The following CSMD1 variants were observed in gnomAD, a reference collection of about 807,000 sequenced individuals.
CSMD1 encodes the protein CUB and sushi domain-containing protein 1.
In CSMD1, 213 loss-of-function variants were observed where a neutral mutation model predicts 417.5. That is an observed-to-expected ratio of 0.51 (90% confidence interval 0.46 to 0.57). The LOEUF (loss-of-function observed/expected upper bound fraction) is 0.57. Among genes scored for constraint, CSMD1 ranks in the 20% least tolerant of loss-of-function variants. CSMD1 has a pLI of 0.00. For synonymous variants in CSMD1, 2,862 were observed against 1,736.8 expected (o/e 1.65, Z -16.11); for missense variants, 6,923 against 4,529.7 (o/e 1.53, Z -15.17).
chr8:3,657,045 C>A (rs375651633), intron 7 of CSMD1, among the ~76,000 whole-genome samples: 58 of 130,240 alleles, frequency 4.5e-4, no homozygotes, highest in African/African-American at 1.4e-3. Flanking sequence ...TCTGCCAGGG[C>A]ATTTTTGGGA....
chr8:4,158,892 C>A (rs750685371), intron 3 of CSMD1, among the ~76,000 whole-genome samples: 3 of 152,134 alleles, frequency 2.0e-5, no homozygotes, highest in Non-Finnish European at 4.4e-5. Flanking sequence ...CTGTTTCCAG[C>A]TGAAAAGAAA....
chr8:3,247,043 G>T (rs1799928213), intron 26 of CSMD1, among the ~76,000 whole-genome samples: 1 of 152,182 alleles, frequency 6.6e-6, no homozygotes, highest in African/African-American at 2.4e-5. Flanking sequence ...TTGTATTGGT[G>T]TAAGTGAAGA....
intron 2 of CSMD1, among the ~76,000 whole-genome samples, chr8:4,537,189 A>G (rs926348295): frequency 9.9e-5 from 15 of 152,210 alleles, no homozygotes; most frequent in Non-Finnish European, 1.6e-4. Context: ...CTATTTATAT[A>G]TCAGCATTAA....
chr8:3,471,082 A>G (rs1176863331), intron 11 of CSMD1, among the ~76,000 whole-genome samples: 2 of 152,314 alleles, frequency 1.3e-5, no homozygotes, highest in East Asian at 1.9e-4. Flanking sequence ...GAGTATTTAA[A>G]GAAACTACCA....
At chr8:4,007,171 C>G (rs1816192333) in intron 4 of CSMD1, among the ~76,000 whole-genome samples, 2 of 152,112 alleles carry the variant, frequency 1.3e-5, no homozygotes, top group African/African-American at 4.8e-5. Context: ...AAATCAAGCA[C>G]TGATGCCCAC....
intron 6 of CSMD1, among the ~76,000 whole-genome samples, chr8:3,719,540 T>G (rs1166984198): frequency 6.6e-6 from 1 of 152,210 alleles, no homozygotes; most frequent in Non-Finnish European, 1.5e-5. Context: ...GAAAATTAAC[T>G]TCAGTGACTT....
intron 41 of CSMD1, among the ~76,000 whole-genome samples, chr8:3,135,464 GCTTCTTCCCCTTT>G: frequency 7.0e-6 from 1 of 142,926 alleles, no homozygotes; most frequent in East Asian, 2.1e-4. Context: ...CTGTGAACCG[GCTTCTTCCCCTTT>G]AAAACATGCT....
chr8:4,869,053 TATC>T (rs941431383), intron 1 of CSMD1, among the ~76,000 whole-genome samples: 36 of 152,104 alleles, frequency 2.4e-4, no homozygotes, highest in African/African-American at 8.4e-4. Flanking sequence ...TTCCAAACAT[TATC>T]ATCAGTTTCC....
At chr8:4,078,584 T>G (rs1278603119) in intron 3 of CSMD1, among the ~76,000 whole-genome samples, 1 of 151,442 alleles carries the variant, frequency 6.6e-6, no homozygotes, top group African/African-American at 2.4e-5. Flanking sequence ...TTTTTAAACA[T>G]AAAATCTTCG....
chr8:3,505,452 A>T (rs947565029), intron 10 of CSMD1, among the ~76,000 whole-genome samples: 4 of 152,164 alleles, frequency 2.6e-5, no homozygotes, highest in African/African-American at 9.7e-5. Context: ...TGGAAGATAC[A>T]CTTTCACGAC....
chr8:4,522,174 A>T (rs1442185176), intron 2 of CSMD1, among the ~76,000 whole-genome samples: 1 of 152,034 alleles, frequency 6.6e-6, no homozygotes, highest in East Asian at 1.9e-4. Context: ...CGTGATAGTG[A>T]ATGAGTCTCG....
At chr8:4,096,621 G>C (rs7816866) in intron 3 of CSMD1, among the ~76,000 whole-genome samples, 1 of 151,978 alleles carries the variant, frequency 6.6e-6, no homozygotes, top group Non-Finnish European at 1.5e-5. Context: ...CAATTACAAT[G>C]AAAGATATCT....
At position 4,307,434 on chromosome 8, in the gene CSMD1, C is replaced by T. The variant is rs142696139; in HGVS notation, c.415+112519G>A. ...TCTCGTATCACACCAAGTTGAGATG[C>T]TATCATCAACTTCTGAAAGCCCATG... On this transcript the variant is annotated intron_variant, in intron 3 of 69. Coordinates refer to ENST00000635120, the MANE Select transcript of CSMD1 (RefSeq NM_033225.6). 2.6e-4 allele frequency among the ~76,000 whole-genome samples: 39 copies of T among 152,236 alleles called. 1 individual carries two copies. The Middle Eastern group carries it at 0.014, about 53-fold the overall frequency.
chr8:3,657,130 C>T (rs1310488084), intron 7 of CSMD1, among the ~76,000 whole-genome samples: 1 of 152,136 alleles, frequency 6.6e-6, no homozygotes, highest in South Asian at 2.1e-4. Flanking sequence ...ATGGCATCAT[C>T]TGTCCCTAGC....
At chr8:4,415,631 A>T (rs994424444) in intron 3 of CSMD1, among the ~76,000 whole-genome samples, 1 of 152,174 alleles carries the variant, frequency 6.6e-6, no homozygotes, top group African/African-American at 2.4e-5. Flanking sequence ...AGCAGTATTC[A>T]TTTCATCTTT....
At chr8:3,481,458 C>T (rs1817746502) in intron 11 of CSMD1, among the ~76,000 whole-genome samples, 1 of 152,130 alleles carries the variant, frequency 6.6e-6, no homozygotes, top group Admixed American at 6.6e-5. Context: ...AGTTTCCATA[C>T]TTCAGGTGGT....
At chr8:2,942,931 T>C (rs1257831932) in intron 68 of CSMD1, among the ~76,000 whole-genome samples, 1 of 152,232 alleles carries the variant, frequency 6.6e-6, no homozygotes, top group Non-Finnish European at 1.5e-5. Flanking sequence ...AACATTTATG[T>C]ATTTTTTCTA....
At chr8:4,062,298 G>C (rs907343040) in intron 3 of CSMD1, among the ~76,000 whole-genome samples, 2 of 152,090 alleles carry the variant, frequency 1.3e-5, no homozygotes, top group African/African-American at 4.8e-5. Flanking sequence ...AATAGAGCAT[G>C]TCAACTGGGG....
chr8:3,950,730 T>C (rs2129870440), intron 5 of CSMD1, among the ~76,000 whole-genome samples: 1 of 134,612 alleles, frequency 7.4e-6, no homozygotes, highest in Admixed American at 7.4e-5. Context: ...AAAATGTAAT[T>C]GGGGTTTTCA....
Sources: gnomAD v4.1 joint callset for allele counts (sites outside exome capture counted in the v4.1 genomes callset) on GRCh38, gnomAD v4.1.1 for gene constraint, MANE v1.5 for transcripts, NCBI Gene and HGNC (gene_info 2026-07-23, HGNC 2026-07-21) for gene names.